Variants in DPYD observed in about 807,000 individuals in gnomAD.
The protein encoded by DPYD is dihydropyrimidine dehydrogenase [NADP(+)].
DPYD carries 109 observed loss-of-function variants against 116.2 expected under a neutral mutation model. The ratio of observed to expected loss-of-function variants is 0.94; its 90% confidence interval spans 0.80 to 1.10. DPYD has a LOEUF of 1.10. Among genes scored for constraint, DPYD ranks in the 50% least tolerant of loss-of-function variants. The pLI is 0.00. For synonymous variants in DPYD, 440 were observed against 432.0 expected, an observed-to-expected ratio of 1.02 and a Z score of -0.23; for missense variants, 1,302 against 1,254.5, an observed-to-expected ratio of 1.04 and a Z score of -0.57.
intron 20 of DPYD, among the ~76,000 whole-genome samples, chr1:97,124,635 A>C: frequency 6.6e-6 from 1 of 152,138 alleles, no homozygotes. Context: ...CTATTTGGCC[A>C]GCTACTAGGC....
intron 11 of DPYD, among the ~76,000 whole-genome samples, chr1:97,563,699 A>G (rs919448384): frequency 1.3e-5 from 2 of 152,200 alleles, no homozygotes; most frequent in Non-Finnish European, 2.9e-5. Flanking sequence ...GGGAAGTAAA[A>G]TAATTACAGA....
intron 18 of DPYD, among the ~76,000 whole-genome samples, chr1:97,290,531 G>A (rs547064001): frequency 4.7e-4 from 71 of 151,958 alleles, no homozygotes; most frequent in African/African-American, 7.7e-4. Flanking sequence ...AAATAACACC[G>A]CATATCTACA....
intron 8 of DPYD, among the ~76,000 whole-genome samples, chr1:97,604,094 T>C (rs1655426990): frequency 6.6e-6 from 1 of 152,132 alleles, no homozygotes; most frequent in African/African-American, 2.4e-5. Context: ...AACGCGCTTG[T>C]GACTCTCTTA....
At chr1:97,153,973 CAAA>C (rs60741755) in intron 20 of DPYD, among the ~76,000 whole-genome samples, 11 of 126,170 alleles carry the variant, frequency 8.7e-5, no homozygotes, top group East Asian at 2.2e-4. Flanking sequence ...TGGCCATGAT[CAAA>C]AAAAAAAAAA....
intron 2 of DPYD, among the ~76,000 whole-genome samples, chr1:97,829,847 C>T (rs1669440049): frequency 6.6e-6 from 1 of 151,704 alleles, no homozygotes; most frequent in South Asian, 2.1e-4. Context: ...TTGCTGCACC[C>T]GTCAGCTCGT....
At chr1:97,529,779 TTCTC>T (rs200999568) in intron 12 of DPYD, among the ~76,000 whole-genome samples, 5 of 146,394 alleles carry the variant, frequency 3.4e-5, no homozygotes, top group African/African-American at 1.1e-4. Flanking sequence ...TCTTCTTTCT[TTCTC>T]TTTTTCTTTT....
At chr1:97,832,463 T>C (rs1167644026) in intron 2 of DPYD, among the ~76,000 whole-genome samples, 1 of 152,200 alleles carries the variant, frequency 6.6e-6, no homozygotes, top group Non-Finnish European at 1.5e-5. Flanking sequence ...CAGAAGCTCT[T>C]GCAGGATTCT....
chr1:97,480,598 C>T (rs951338416), intron 13 of DPYD, among the ~76,000 whole-genome samples: 1 of 152,212 alleles, frequency 6.6e-6, no homozygotes, highest in African/African-American at 2.4e-5. Flanking sequence ...CAGGGAATTG[C>T]TGAATTTCAT....
intron 8 of DPYD, among the ~76,000 whole-genome samples, chr1:97,671,431 C>A (rs1377655355): frequency 6.6e-6 from 1 of 152,010 alleles, no homozygotes; most frequent in Non-Finnish European, 1.5e-5. Context: ...TATAAGGCAT[C>A]AAAGTAGGAA....
At chr1:97,383,977 C>T (rs1243050939) in intron 14 of DPYD, among the ~76,000 whole-genome samples, 1 of 152,054 alleles carries the variant, frequency 6.6e-6, no homozygotes, top group African/African-American at 2.4e-5. Flanking sequence ...GGTGTGGTGC[C>T]CTGCCCCTGT....
intron 10 of DPYD, among the ~76,000 whole-genome samples, chr1:97,587,580 C>T (rs1654217449): frequency 6.6e-6 from 1 of 152,130 alleles, no homozygotes; most frequent in Non-Finnish European, 1.5e-5. Flanking sequence ...AATCCCCGCA[C>T]TTTGGGAGGC....
intron 3 of DPYD, among the ~76,000 whole-genome samples, chr1:97,790,821 T>G (rs1667283356): frequency 6.6e-6 from 1 of 152,220 alleles, no homozygotes; most frequent in Admixed American, 6.5e-5. Context: ...AATCAACAGA[T>G]GATTTTAATC....
At chr1:97,561,867 A>C (rs1652176570) in intron 11 of DPYD, among the ~76,000 whole-genome samples, 1 of 152,112 alleles carries the variant, frequency 6.6e-6, no homozygotes, top group Non-Finnish European at 1.5e-5. Flanking sequence ...ACTATTATAA[A>C]TGTCACTGCC....
At chr1:97,290,573 C>G (rs1283007074) in intron 18 of DPYD, among the ~76,000 whole-genome samples, 4 of 152,094 alleles carry the variant, frequency 2.6e-5, no homozygotes, top group Non-Finnish European at 5.9e-5. Flanking sequence ...CTGACAAAAA[C>G]AAGAAATAGG....
chr1:97,566,686 A>C (rs1020566452), intron 11 of DPYD, among the ~76,000 whole-genome samples: 1 of 152,146 alleles, frequency 6.6e-6, no homozygotes, highest in Non-Finnish European at 1.5e-5. Context: ...ATTAGTATTC[A>C]ATTTTTCCCC....
intron 3 of DPYD, among the ~76,000 whole-genome samples, chr1:97,760,851 T>C (rs774333821): frequency 3.9e-5 from 6 of 152,048 alleles, no homozygotes; most frequent in African/African-American, 7.2e-5. Context: ...CTGCCTCAGG[T>C]GGGGGACTGT....
chr1:97,521,105 GTTC>G (rs965770327), intron 12 of DPYD, among the ~76,000 whole-genome samples: 18 of 152,290 alleles, frequency 1.2e-4, no homozygotes, highest in East Asian at 3.9e-4. Flanking sequence ...GTGTAAAAGT[GTTC>G]TTATTTCTCC....
In DPYD at chr1:97,706,918, A is replaced by C. The variant is rs149651718; in HGVS notation, c.484-7371T>G. ...ATGTTTAATTTTGCAAGATACTGTC[A>C]AACTGTCTTCCAAATTGGCTGTACC... On this transcript the variant is annotated intron_variant, in intron 5 of 22. Transcript: ENST00000370192. Among the ~76,000 whole-genome samples the C allele has an allele frequency of 3.9e-3, 597 of 152,164 alleles. 2 individuals carry two copies. The highest frequency in any genetic ancestry group is 0.014 in the African/African-American group (573 of 41,538).
intron 7 of DPYD, among the ~76,000 whole-genome samples, chr1:97,688,352 A>T (rs375705019): frequency 3.9e-5 from 6 of 152,272 alleles, no homozygotes; most frequent in African/African-American, 1.4e-4. Context: ...TTTATTGTAT[A>T]CTGAAATAGT....
Sources: allele counts gnomAD v4.1 joint callset (sites outside exome capture counted in the v4.1 genomes callset), GRCh38; gene constraint gnomAD v4.1.1; transcripts MANE v1.5; gene names NCBI Gene and HGNC (gene_info 2026-07-23, HGNC 2026-07-21).